The following CA10 variants were observed in gnomAD, a reference collection of about 807,000 sequenced individuals.
The protein encoded by CA10 is carbonic anhydrase 10 (inactive), also known as carbonic anhydrase-related protein 10.
A neutral mutation model predicts 44.2 loss-of-function variants in CA10; 14 were observed. The ratio of observed to expected loss-of-function variants is 0.32; its 90% confidence interval spans 0.21 to 0.50. The LOEUF (loss-of-function observed/expected upper bound fraction) is 0.50. CA10 is among the 20% of genes least tolerant of loss of function. The pLI, the probability that CA10 is intolerant of heterozygous loss-of-function variation, is 0.99. For missense variants in CA10, 350 were observed against 409.7 expected (o/e 0.85, Z 1.26); for synonymous variants, 159 against 141.6 (o/e 1.12, Z -0.87).
intron 4 of CA10, among the ~76,000 whole-genome samples, chr17:51,704,893 G>A (rs1915714697): frequency 6.6e-6 from 1 of 151,822 alleles, no homozygotes; most frequent in South Asian, 2.1e-4. Flanking sequence ...AAGCTGGGAG[G>A]TGGAGGTGGA....
intron 2 of CA10, among the ~76,000 whole-genome samples, chr17:51,941,691 C>T (rs1344376772): frequency 6.6e-6 from 1 of 152,060 alleles, no homozygotes; most frequent in East Asian, 1.9e-4. Context: ...ATGTTGAAAC[C>T]AGCAGGGACA....
intron 3 of CA10, among the ~76,000 whole-genome samples, chr17:51,823,298 C>A (rs1299634147): frequency 6.6e-6 from 1 of 152,188 alleles, no homozygotes; most frequent in African/African-American, 2.4e-5. Context: ...CTCCAGGAAG[C>A]CACGGTGGGT....
At chr17:51,955,618 C>G (rs1983636997) in intron 2 of CA10, among the ~76,000 whole-genome samples, 1 of 152,100 alleles carries the variant, frequency 6.6e-6, no homozygotes, top group Admixed American at 6.6e-5. Flanking sequence ...ACCTTCCAGC[C>G]AAAATGAATC....
At chr17:52,152,723 T>A (rs949024500) in intron 1 of CA10, among the ~76,000 whole-genome samples, 1 of 152,146 alleles carries the variant, frequency 6.6e-6, no homozygotes, top group African/African-American at 2.4e-5. Flanking sequence ...TATAACTATA[T>A]CTTAAGTATG....
intron 2 of CA10, among the ~76,000 whole-genome samples, chr17:51,990,457 C>G (rs1268686552): frequency 6.6e-6 from 1 of 151,918 alleles, no homozygotes; most frequent in African/African-American, 2.4e-5. Flanking sequence ...AAATGATAAC[C>G]TAACAGGTCT....
chr17:51,997,295 T>C (rs1342339757), intron 2 of CA10, among the ~76,000 whole-genome samples: 2 of 152,088 alleles, frequency 1.3e-5, no homozygotes, highest in Non-Finnish European at 2.9e-5. Context: ...CATCCATCCA[T>C]ACCTAGCGCT....
chr17:52,118,644 A>C, intron 1 of CA10, among the ~76,000 whole-genome samples: 1 of 152,282 alleles, frequency 6.6e-6, no homozygotes, highest in East Asian at 1.9e-4. Flanking sequence ...TCAGGTTATA[A>C]TTTAGGGAAT....
In CA10 at chr17:51,636,484, C is replaced by T. The variant is rs578021227; in HGVS notation, c.635-475G>A. ...ATGGTTAAGGCTGATGTTGGGGATG[C>T]GAGGAAGCACATTCCTTCCACAGGA... On this transcript the variant is annotated intron_variant, in intron 6 of 8. Transcript: ENST00000451037. 2.7e-4 allele frequency among the ~76,000 whole-genome samples: 41 copies of T among 152,244 alleles called. No individual in the cohort carries two copies. In the East Asian group the frequency reaches 2.7e-3, roughly 10 times the overall value.
At chr17:51,931,176 TG>T in intron 2 of CA10, 44 bp from the exon 3 acceptor site, 3 of 1,594,788 alleles carry the variant, frequency 1.9e-6, no homozygotes, top group Non-Finnish European at 1.7e-6. Flanking sequence ...AGTAGCAGGT[TG>T]GGGAAACAAC....
chr17:52,053,682 AAAGGATACATGTTGCGGG>A (rs1299054692), intron 2 of CA10, among the ~76,000 whole-genome samples: 12 of 152,096 alleles, frequency 7.9e-5, no homozygotes, highest in Non-Finnish European at 1.6e-4. Context: ...GAGTGCACAG[AAAGGATACATGTTGCGGG>A]AAGTCAGGGA....
intron 2 of CA10, among the ~76,000 whole-genome samples, chr17:51,946,788 G>T (rs1459715303): frequency 6.6e-6 from 1 of 152,120 alleles, no homozygotes; most frequent in Non-Finnish European, 1.5e-5. Context: ...ATAGCAGAAA[G>T]CATGTTTTTG....
chr17:51,993,040 C>T (rs1377113191), intron 2 of CA10, among the ~76,000 whole-genome samples: 1 of 152,090 alleles, frequency 6.6e-6, no homozygotes, highest in Non-Finnish European at 1.5e-5. Flanking sequence ...ACATTTTATG[C>T]AGATATCAGC....
chr17:51,976,438 T>C (rs1984464929), intron 2 of CA10, among the ~76,000 whole-genome samples: 1 of 152,172 alleles, frequency 6.6e-6, no homozygotes, highest in African/African-American at 2.4e-5. Flanking sequence ...CATTAAAAGT[T>C]AATCATTATT....
intron 2 of CA10, among the ~76,000 whole-genome samples, chr17:52,012,656 C>T (rs1356967107): frequency 6.6e-6 from 1 of 151,984 alleles, no homozygotes; most frequent in African/African-American, 2.4e-5. Context: ...TGGAATCATA[C>T]ACACAGAAGA....
At chr17:51,955,897 T>C (rs1012988420) in intron 2 of CA10, among the ~76,000 whole-genome samples, 8 of 152,058 alleles carry the variant, frequency 5.3e-5, no homozygotes, top group African/African-American at 1.9e-4. Flanking sequence ...AAAACCTAGA[T>C]GACGGATTGA....
intron 4 of CA10, among the ~76,000 whole-genome samples, chr17:51,689,505 G>A (rs1363025387): frequency 6.6e-6 from 1 of 152,338 alleles, no homozygotes; most frequent in African/African-American, 2.4e-5. Context: ...TGATCCGTGT[G>A]TACTTATTTC....
chr17:51,709,100 T>G (rs569981085), intron 4 of CA10, among the ~76,000 whole-genome samples: 1 of 149,834 alleles, frequency 6.7e-6, no homozygotes, highest in Non-Finnish European at 1.5e-5. Flanking sequence ...TAATACAGAT[T>G]CTGAGGGCAG....
intron 3 of CA10, among the ~76,000 whole-genome samples, chr17:51,903,304 G>A (rs1981398228): frequency 6.6e-6 from 1 of 152,098 alleles, no homozygotes; most frequent in South Asian, 2.1e-4. Flanking sequence ...GTTTGCAGGT[G>A]CTGATTGGAA....
chr17:51,964,658 T>C (rs1352338757), intron 2 of CA10, among the ~76,000 whole-genome samples: 2 of 151,864 alleles, frequency 1.3e-5, no homozygotes, highest in Non-Finnish European at 1.5e-5. Context: ...TGCTTCTGAA[T>C]GTCTTTTGGG....
Sources: gnomAD v4.1 joint callset for allele counts (sites outside exome capture counted in the v4.1 genomes callset) on GRCh38, gnomAD v4.1.1 for gene constraint, MANE v1.5 for transcripts, NCBI Gene and HGNC (gene_info 2026-07-23, HGNC 2026-07-21) for gene names.